COL1A2: variants seen among roughly 807,000 people sequenced by gnomAD.
The protein encoded by COL1A2 is collagen alpha-2(I) chain.
COL1A2 carries 49 observed loss-of-function variants against 174.3 expected under a neutral mutation model. The observed-to-expected ratio is 0.28, with a 90% CI of 0.22 to 0.36. COL1A2 has a LOEUF of 0.36. Among genes scored for constraint, COL1A2 ranks in the 10% least tolerant of loss-of-function variants. The probability of loss-of-function intolerance (pLI) is 1.00; values close to 1 mark genes in which losing one functional copy is unlikely to be tolerated. For synonymous variants in COL1A2, 655 were observed against 606.6 expected (o/e 1.08, Z -1.17); for missense variants, 1,438 against 1,822.7 (o/e 0.79, Z 3.84).
chr7:94,412,524 A>T, intron 24 of COL1A2, 60 bp from the exon 25 acceptor site: 1 of 1,304,976 alleles, frequency 7.7e-7, no homozygotes, highest in Non-Finnish European at 1.1e-6. Context: ...GCAGCATCAT[A>T]AGCTTGAGGT....
intron 30 of COL1A2, among the ~76,000 whole-genome samples, chr7:94,415,746 A>G (rs893047416): frequency 6.6e-6 from 1 of 152,178 alleles, no homozygotes; most frequent in Admixed American, 6.5e-5. Context: ...TCATGTCACT[A>G]GTTAACACAT....
chr7:94,396,947 C>G (rs1163228486), intron 1 of COL1A2, among the ~76,000 whole-genome samples: 1 of 152,112 alleles, frequency 6.6e-6, no homozygotes, highest in South Asian at 2.1e-4. Context: ...GAAGAATTCA[C>G]TCTTTAAGGA....
Position 94,429,304 on chromosome 7 carries a change from T to C in COL1A2, c.3828T>C (p.Ile1276=). 1 of 1,614,104 alleles carries C rather than the reference T, an allele frequency of 6.2e-7. No homozygotes were observed. Among genetic ancestry groups the C allele is most frequent in the Non-Finnish European group, 8.5e-7 (1 of 1,180,010 alleles). The change falls in exon 51 of 52, where the codon ATT becomes ATC. Residue 1276 remains isoleucine, a synonymous_variant. Transcript: ENST00000297268. The part of the protein sequence containing the change: ...QNITYHCKNS[I]AYMDEETGNL... ...TCACCTACCACTGCAAGAACAGCAT[T>C]GCATACATGGATGAGGAGACTGGCA... is the stretch of plus-strand genomic sequence containing the variant.
chr7:94,414,342 C>A, intron 29 of COL1A2, 67 bp downstream of exon 29: 1 of 1,293,212 alleles, frequency 7.7e-7, no homozygotes, highest in Non-Finnish European at 1.1e-6. Context: ...TTTAATACCC[C>A]ACTGCTATGC....
In COL1A2 at chr7:94,410,486, G is replaced by A. The variant is rs1354740009; in HGVS notation, c.1156G>A (p.Glu386Lys). The A allele has an allele frequency of 2.6e-6, 4 of 1,550,224 alleles. No individual in the cohort carries two copies. The highest frequency in any genetic ancestry group is 3.5e-6 in the Non-Finnish European group (4 of 1,147,066). The change falls in exon 21 of 52, where the codon GAA becomes AAA. Residue 386 changes from glutamate (E) to lysine (K), a missense_variant. Glu to Lys is a moderately conservative substitution (Grantham distance 56). Coordinates refer to ENST00000297268, the MANE Select transcript of COL1A2 (RefSeq NM_000089.4). Reference protein sequence around the residue: ...GEEGKRGPNGEAGSAGPPGPP... With the variant: ...GEEGKRGPNGKAGSAGPPGPP... Reference sequence around the variant, plus strand: ...AGAAGGAAAGAGAGGCCCTAATGGGGAAGCTGGATCTGCCGGCCCTCCAGG... The same window carrying A: ...AGAAGGAAAGAGAGGCCCTAATGGGAAAGCTGGATCTGCCGGCCCTCCAGG...
At chr7:94,409,848 T>C in intron 19 of COL1A2, 27 bp downstream of exon 19, 6 of 1,601,406 alleles carry the variant, frequency 3.7e-6, no homozygotes, top group Non-Finnish European at 5.1e-6. Context: ...GTGGTTCTCA[T>C]CATCCTGAAA....
chr7:94,405,831 T>C, intron 11 of COL1A2, 105 bp downstream of exon 11: 2 of 967,044 alleles, frequency 2.1e-6, no homozygotes, highest in East Asian at 2.4e-5. Context: ...TTCAAATCCC[T>C]GGAGTTTGCC....
Position 94,427,731 on chromosome 7 carries a change from A to C in COL1A2, c.3372A>C (p.Ser1124=). The C allele has an allele frequency of 6.2e-7, 1 of 1,614,142 alleles. No individual in the cohort carries two copies. The highest frequency in any genetic ancestry group is 1.7e-5 in the Admixed American group (1 of 60,022). The change falls in exon 49 of 52, where the codon TCA becomes TCC. Residue 1124 remains serine, a synonymous_variant. Coordinates refer to ENST00000297268, the MANE Select transcript of COL1A2 (RefSeq NM_000089.4). ...GDFYRADQPR[S]APSLRPKDYE... is the part of the protein sequence containing the mutation. ...TCTACAGGGCTGACCAGCCTCGCTCAGCACCTTCTCTCAGACCCAAGGACT... is the reference window on the plus strand; with the variant it reads ...TCTACAGGGCTGACCAGCCTCGCTCCGCACCTTCTCTCAGACCCAAGGACT...
rs1469759187 is a variant in COL1A2 at position 94,414,117 on chromosome 7, C to T, written c.1666-105C>T. 19 of 1,335,608 alleles carry T rather than the reference C, an allele frequency of 1.4e-5. No homozygotes were observed. The African/African-American group carries it at 1.6e-4, about 11-fold the overall frequency. 82.7% of individuals were successfully genotyped at this position (1,335,608 alleles called of 1,614,324 possible). A position where few individuals can be genotyped will look rare whatever the true frequency, so the allele number is the denominator to read the frequency against. On this transcript the variant is annotated intron_variant, in intron 28 of 51. Coordinates refer to ENST00000297268, the MANE Select transcript of COL1A2 (RefSeq NM_000089.4). ...TGTGTAATGCTTAATAACATACAAT[C>T]GTGCTCATGTTGATATTTGGTAGCC...
chr7:94,415,192 C>T lies in COL1A2; in HGVS notation c.1720-34C>T, dbSNP rs750115793. The stretch of plus-strand genomic sequence containing the variant: ...CATAAGTGAATTTAGAGATCACACA[C>T]AGATTTCATGCTTTATTCTCATGTT... On this transcript the variant is annotated intron_variant, in intron 29 of 51. Transcript: ENST00000297268. The T allele has an allele frequency of 3.1e-6, 5 of 1,600,780 alleles. No individual in the cohort carries two copies. The Admixed American group carries it at 5.0e-5, about 16-fold the overall frequency.
At chr7:94,428,810 A>G (rs1035081654) in intron 50 of COL1A2, among the ~76,000 whole-genome samples, 7 of 152,240 alleles carry the variant, frequency 4.6e-5, no homozygotes, top group African/African-American at 1.7e-4. Flanking sequence ...TGAATTTTTA[A>G]TCAAACCTTT....
chr7:94,413,856 T>TA (rs1791983004), intron 27 of COL1A2, 38 bp from the exon 28 acceptor site: 1 of 1,612,518 alleles, frequency 6.2e-7, no homozygotes, highest in African/African-American at 1.3e-5. Flanking sequence ...AGTGGTGACA[T>TA]ACGTTGCTAT....
intron 42 of COL1A2, 106 bp from the exon 43 acceptor site, chr7:94,425,504 T>C (rs1792253801): frequency 1.7e-6 from 2 of 1,171,174 alleles, no homozygotes; most frequent in Admixed American, 1.7e-5. Flanking sequence ...TGAAAGAGGG[T>C]TCGTTACTGA....
At chr7:94,426,379 TTTTTAAAACGG>T in intron 45 of COL1A2, 33 bp from the exon 46 acceptor site, 1 of 1,525,422 alleles carries the variant, frequency 6.6e-7, no homozygotes. Context: ...GAGTGCCATT[TTTTTAAAACGG>T]TAAGTCTTAT....
intron 23 of COL1A2, 33 bp downstream of exon 23, chr7:94,411,187 C>T: frequency 6.9e-7 from 1 of 1,443,100 alleles, no homozygotes; most frequent in Non-Finnish European, 9.5e-7. Flanking sequence ...GCAAATCACA[C>T]CTGGCATTAC....
chr7:94,426,984 G>A lies in COL1A2; in HGVS notation c.3106-24G>A, dbSNP rs771086115. 1.9e-6 allele frequency: 3 copies of A among 1,610,336 alleles called. No individual in the cohort carries two copies. The Admixed American group carries it at 5.0e-5, about 27-fold the overall frequency. On this transcript the variant is annotated intron_variant, in intron 46 of 51. Transcript: ENST00000297268. Reference sequence around the variant, plus strand: ...CTCTTGACATGTGCTCTGAAAGTGTGATTTTCCTCTTCTGTCTTTAAAGGG... The same window carrying A: ...CTCTTGACATGTGCTCTGAAAGTGTAATTTTCCTCTTCTGTCTTTAAAGGG...
rs1268885081 is a variant in COL1A2, at chr7:94,406,323, C to A, written c.594+20C>A. ...GTGAAGGTAAATATTAAATTAGAAG[C>A]ACTGTTTTTAAGCACTTGATTGAAA... On this transcript the variant is annotated intron_variant, in intron 12 of 51. Coordinates refer to ENST00000297268, the MANE Select transcript of COL1A2 (RefSeq NM_000089.4). 1 of 1,612,656 alleles carries A rather than the reference C, an allele frequency of 6.2e-7. No homozygotes were observed. Among genetic ancestry groups the A allele is most frequent in the Non-Finnish European group, 8.5e-7 (1 of 1,178,742 alleles).
At position 94,395,015 on chromosome 7, in the gene COL1A2, A is replaced by C; in HGVS notation, c.-17A>C. The C allele has an allele frequency of 6.2e-7, 1 of 1,612,728 alleles. No individual in the cohort carries two copies. The highest frequency in any genetic ancestry group is 1.1e-5 in the South Asian group (1 of 91,000). ...GGGCTCTGCGACACAAGGAGTCTGC[A>C]TGTCTAAGTGCTAGACATGCTCAGC... On this transcript the variant is annotated 5_prime_UTR_variant, in exon 1 of 52. The change abolishes an upstream ATG in the 5' untranslated region. Coordinates refer to ENST00000297268, the MANE Select transcript of COL1A2 (RefSeq NM_000089.4).
In COL1A2 at chr7:94,417,772, C is replaced by T. The variant is rs369897305; in HGVS notation, c.1912C>T (p.Pro638Ser). The T allele has an allele frequency of 1.9e-6, 3 of 1,604,494 alleles. No individual in the cohort carries two copies. The highest frequency in any genetic ancestry group is 2.7e-5 in the African/African-American group (2 of 74,780). ...TGTGGGCACTGCTGGTCCATCTGGT[C>T]CTAGTGGACTCCCAGGAGAGAGGGG... Reference protein sequence around the residue: ...GAVGTAGPSGPSGLPGERGAA... With the variant: ...GAVGTAGPSGSSGLPGERGAA... Residue 638 changes from proline to serine, a missense_variant, in exon 32 of 52, where the codon CCT becomes TCT. Transcript: ENST00000297268.
Sources: gnomAD v4.1 joint callset for allele counts (sites outside exome capture counted in the v4.1 genomes callset) on GRCh38, gnomAD v4.1.1 for gene constraint, MANE v1.5 for transcripts, NCBI Gene and HGNC (gene_info 2026-07-23, HGNC 2026-07-21) for gene names.